Variants in CDC40 observed in about 807,000 individuals in gnomAD.
CDC40 encodes pre-mRNA-processing factor 17.
Under a neutral mutation model 80.6 loss-of-function variants are expected in CDC40, and 27 were observed. That is an observed-to-expected ratio of 0.33 (90% confidence interval 0.25 to 0.46). CDC40 has a LOEUF of 0.46. CDC40 is among the 20% of genes least tolerant of loss of function. The pLI, the probability that CDC40 is intolerant of heterozygous loss-of-function variation, is 1.00. For missense variants in CDC40, 486 were observed against 694.1 expected, an observed-to-expected ratio of 0.70 and a Z score of 3.37; for synonymous variants, 221 against 232.6, an observed-to-expected ratio of 0.95 and a Z score of 0.45.
chr6:110,216,651 C>G (rs767608402), intron 9 of CDC40, among the ~76,000 whole-genome samples: 5 of 152,106 alleles, frequency 3.3e-5, no homozygotes, highest in African/African-American at 4.8e-5. Flanking sequence ...GATGGGAGTT[C>G]ACTGGAGGTG....
chr6:110,222,564 A>G (rs1375010584), intron 12 of CDC40, among the ~76,000 whole-genome samples: 1 of 152,144 alleles, frequency 6.6e-6, no homozygotes, highest in East Asian at 1.9e-4. Flanking sequence ...CTCAAAAACA[A>G]AAAAAACAAA....
intron 3 of CDC40, 97 bp downstream of exon 3, chr6:110,201,784 C>T: frequency 1.0e-6 from 1 of 983,246 alleles, no homozygotes; most frequent in African/African-American, 1.6e-5. Context: ...TTAAAATTCA[C>T]TGGATTCCTT....
At chr6:110,227,491 G>A (rs969529448) in intron 13 of CDC40, among the ~76,000 whole-genome samples, 14 of 152,190 alleles carry the variant, frequency 9.2e-5, no homozygotes, top group African/African-American at 3.1e-4. Flanking sequence ...TTCATGTAGC[G>A]TATTTTTAAA....
At chr6:110,217,945 T>C (rs1777721722) in intron 10 of CDC40, 142 bp downstream of exon 10, 1 of 530,518 alleles carries the variant, frequency 1.9e-6, no homozygotes, top group East Asian at 3.4e-5. Flanking sequence ...TATCACAAAA[T>C]ACATTTGTAA....
intron 1 of CDC40, among the ~76,000 whole-genome samples, chr6:110,181,367 G>A (rs887155011): frequency 6.6e-6 from 1 of 152,192 alleles, no homozygotes; most frequent in Non-Finnish European, 1.5e-5. Context: ...AAGAACTGAG[G>A]AAAAGCTGAT....
chr6:110,215,924 G>A (rs926761347), intron 9 of CDC40, among the ~76,000 whole-genome samples: 11 of 152,268 alleles, frequency 7.2e-5, no homozygotes, highest in Non-Finnish European at 1.0e-4. Flanking sequence ...ATTTAGTAAC[G>A]GCATGTGAAT....
rs143841244 is a variant in CDC40 at position 110,209,258 on chromosome 6, A to G, written c.630+35A>G. 184 of 1,574,410 alleles carry G rather than the reference A, an allele frequency of 1.2e-4. No individual in the cohort carries two copies. In the African/African-American group the frequency reaches 2.3e-3, roughly 19 times the overall value. ...GATGTTTTTAATTGTCAATTCAGGT[A>G]TACGCTGTATCTCTATGAAGGATAT... On this transcript the variant is annotated intron_variant, in intron 5 of 14. Coordinates refer to ENST00000307731, the MANE Select transcript of CDC40 (RefSeq NM_015891.3).
At chr6:110,213,441 G>A (rs1777662415) in intron 8 of CDC40, among the ~76,000 whole-genome samples, 1 of 149,024 alleles carries the variant, frequency 6.7e-6, no homozygotes, top group African/African-American at 2.5e-5. Context: ...CCAGGCTGGA[G>A]TGCAGTGGCA....
chr6:110,186,709 G>A lies in CDC40; in HGVS notation c.189+6076G>A, dbSNP rs138806316. On this transcript the variant is annotated intron_variant, in intron 1 of 14. Transcript: ENST00000307731. Reference sequence around the variant, plus strand: ...TTTCTTTTGACACCTTTTAAGACCCGCACCCCATTTTTTTGAGATATGGTT... The same window carrying A: ...TTTCTTTTGACACCTTTTAAGACCCACACCCCATTTTTTTGAGATATGGTT... Among the ~76,000 whole-genome samples, 530 of 151,840 alleles carry A rather than the reference G, an allele frequency of 3.5e-3. 3 individuals are homozygous for A. Among genetic ancestry groups the A allele is most frequent in the African/African-American group, 0.011 (472 of 41,380 alleles).
intron 8 of CDC40, among the ~76,000 whole-genome samples, chr6:110,214,877 T>C (rs188395690): frequency 4.0e-4 from 61 of 152,364 alleles, no homozygotes; most frequent in African/African-American, 1.2e-3. Context: ...CAAAATGTTA[T>C]ATACATGGCA....
intron 1 of CDC40, among the ~76,000 whole-genome samples, chr6:110,189,208 C>T (rs1186347577): frequency 6.6e-6 from 1 of 152,202 alleles, no homozygotes; most frequent in Non-Finnish European, 1.5e-5. Flanking sequence ...AGTGTGTCTG[C>T]TCTGGTGCTA....
rs1777601631 is a variant in CDC40, at chr6:110,209,222, A to G, written c.629A>G (p.Glu210Gly). The G allele has an allele frequency of 6.2e-7, 1 of 1,612,566 alleles. No individual in the cohort carries two copies. Among genetic ancestry groups the G allele is most frequent in the African/African-American group, 1.3e-5 (1 of 74,902 alleles). Residue 210 changes from glutamate (E) to glycine (G), a missense_variant and splice_region_variant, in exon 5 of 15, where the codon GAA becomes GGA. By Grantham distance (98) the Glu-to-Gly change is moderately conservative. Coordinates refer to ENST00000307731, the MANE Select transcript of CDC40 (RefSeq NM_015891.3). ...VDEKDVAKPS[E>G]EEQKELDEIT... ...GAAAAAGATGTAGCCAAACCTTCAG[A>G]AGTAAGCTTTGATGTTTTTAATTGT... is the stretch of plus-strand genomic sequence containing the variant.
chr6:110,226,171 A>G lies in CDC40; in HGVS notation c.1345A>G (p.Ile449Val), dbSNP rs1777857068. The change falls in exon 13 of 15, where the codon ATC becomes GTC. Residue 449 changes from isoleucine (I) to valine (V), a missense_variant. Coordinates refer to ENST00000307731, the MANE Select transcript of CDC40 (RefSeq NM_015891.3). ...DKSLRVWEWD[I>V]PVDFKYIAEP... is the part of the protein sequence containing the mutation. ...TATGCTATTTAAAATTTTTAGGGAT[A>G]TCCCTGTGGATTTCAAGTACATAGC... 1 of 1,596,232 alleles carries G rather than the reference A, an allele frequency of 6.3e-7. No homozygotes were observed. Among genetic ancestry groups the G allele is most frequent in the Non-Finnish European group, 8.6e-7 (1 of 1,165,856 alleles).
Position 110,228,832 on chromosome 6 carries a change from GA to G in CDC40, c.1422del (p.Lys474AsnfsTer3). 2 of 1,569,492 alleles carry G rather than the reference GA, an allele frequency of 1.3e-6. No homozygotes were observed. The highest frequency in any genetic ancestry group is 1.2e-5 in the South Asian group (1 of 81,658). ...SMPAVTLSPN[G>X]KWLACQSMDN... ...AATACCTCATTTATTGAATTTACAG[GA>G]AAATGGCTAGCATGCCAATCAATGG... On this transcript the variant is annotated frameshift_variant and splice_region_variant, in exon 14 of 15. Coordinates refer to ENST00000307731, the MANE Select transcript of CDC40 (RefSeq NM_015891.3). LOFTEE classifies it high-confidence loss of function.
At chr6:110,217,645 GAGA>G (rs1777717156) in intron 9 of CDC40, 54 bp from the exon 10 acceptor site, 2 of 812,030 alleles carry the variant, frequency 2.5e-6, no homozygotes, top group African/African-American at 1.7e-5. Context: ...AATGTTTTAA[GAGA>G]AGAAGATATA....
chr6:110,210,552 G>GGAAA (rs1214475949), intron 5 of CDC40, among the ~76,000 whole-genome samples, 155 bp from the exon 6 acceptor site: 1 of 64,468 alleles, frequency 1.6e-5, no homozygotes, highest in Non-Finnish European at 3.5e-5. Context: ...ACTCATCTCA[G>GGAAA]AAAAAAAAAA....
chr6:110,228,987 ATCT>A lies in CDC40; in HGVS notation c.1562+15_1562+17del. ...TTCACCAGACATGAGGTAAGTTTAA[ATCT>A]TCTAATCCATTCTCGTATTCAAATA... is the stretch of plus-strand genomic sequence containing the variant. On this transcript the variant is annotated intron_variant, in intron 14 of 14. Coordinates refer to ENST00000307731, the MANE Select transcript of CDC40 (RefSeq NM_015891.3). 1.9e-6 allele frequency: 3 copies of A among 1,590,798 alleles called. No homozygotes were observed. In the South Asian group the frequency reaches 3.5e-5, roughly 18 times the overall value.
intron 1 of CDC40, among the ~76,000 whole-genome samples, 171 bp from the exon 2 acceptor site, chr6:110,193,011 T>A (rs951154057): frequency 2.0e-5 from 3 of 152,226 alleles, no homozygotes; most frequent in East Asian, 3.8e-4. Flanking sequence ...GAAACTTTTT[T>A]ATGTATTTTA....
chr6:110,196,304 CTTATT>C (rs975832282), intron 2 of CDC40, among the ~76,000 whole-genome samples: 6 of 152,144 alleles, frequency 3.9e-5, no homozygotes, highest in Non-Finnish European at 8.8e-5. Context: ...TACTCAATTG[CTTATT>C]TTATTTTATA....
Sources: allele counts gnomAD v4.1 joint callset (sites outside exome capture counted in the v4.1 genomes callset), GRCh38; gene constraint gnomAD v4.1.1; transcripts MANE v1.5; gene names NCBI Gene and HGNC (gene_info 2026-07-23, HGNC 2026-07-21).